The following RAI14 variants were observed in gnomAD, a reference collection of about 807,000 sequenced individuals.
RAI14 encodes retinoic acid induced 14.
In RAI14, 45 loss-of-function variants were observed where a neutral mutation model predicts 115.4. The ratio of observed to expected loss-of-function variants is 0.39; its 90% confidence interval spans 0.31 to 0.50. The LOEUF (loss-of-function observed/expected upper bound fraction) is 0.50, where lower values mean the gene tolerates loss of function less well. RAI14 is among the 20% of genes least tolerant of loss of function. The pLI is 0.85. For synonymous variants in RAI14, 371 were observed against 415.4 expected, an observed-to-expected ratio of 0.89 and a Z score of 1.30; for missense variants, 939 against 1,131.2, an observed-to-expected ratio of 0.83 and a Z score of 2.44.
intron 17 of RAI14, among the ~76,000 whole-genome samples, chr5:34,830,231 G>A (rs751099967): frequency 6.6e-6 from 1 of 152,080 alleles, no homozygotes; most frequent in African/African-American, 2.4e-5. Flanking sequence ...CAATCCACCC[G>A]CTTCGGCCTC....
At chr5:34,698,912 G>C (rs191510896) in intron 2 of RAI14, among the ~76,000 whole-genome samples, 2 of 152,246 alleles carry the variant, frequency 1.3e-5, no homozygotes, top group East Asian at 1.9e-4. Context: ...TTGAGTGTGC[G>C]TGGGGATGAA....
At position 34,762,929 on chromosome 5, in the gene RAI14, A is replaced by G. The variant is rs564686811; in HGVS notation, c.167+5331A>G. Among the ~76,000 whole-genome samples, 150 of 129,152 alleles carry G rather than the reference A, an allele frequency of 1.2e-3. 2 individuals are homozygous for G. Among genetic ancestry groups the G allele is most frequent in the East Asian group, 2.9e-3 (13 of 4,488 alleles). The allele number at this position is 129,152 out of a possible 152,430, so 84.7% of individuals were successfully genotyped here. On this transcript the variant is annotated intron_variant, in intron 3 of 17. Transcript: ENST00000265109. Reference sequence around the variant, plus strand: ...GTGTGTAGATATAAGGAGTGTGTGCATGTGTGTGTGTGTGTGTGTGTGTGT... The same window carrying G: ...GTGTGTAGATATAAGGAGTGTGTGCGTGTGTGTGTGTGTGTGTGTGTGTGT...
intron 2 of RAI14, among the ~76,000 whole-genome samples, chr5:34,728,145 C>A (rs1743705618): frequency 6.6e-6 from 1 of 152,186 alleles, no homozygotes; most frequent in Non-Finnish European, 1.5e-5. Flanking sequence ...GCCAATTTCT[C>A]CCATTTGGAA....
intron 2 of RAI14, among the ~76,000 whole-genome samples, chr5:34,747,474 AT>A (rs149415492): frequency 0.015 from 2,222 of 152,328 alleles, 52 homozygotes; most frequent in African/African-American, 0.049. Flanking sequence ...AAGGAACAAT[AT>A]TCCTGTCAAT....
At chr5:34,765,221 G>A (rs2150115725) in intron 3 of RAI14, among the ~76,000 whole-genome samples, 1 of 152,342 alleles carries the variant, frequency 6.6e-6, no homozygotes, top group Admixed American at 6.5e-5. Flanking sequence ...TACCAGTAGA[G>A]TGGGGCATTG....
chr5:34,809,062 T>G (rs2075192884), intron 7 of RAI14, among the ~76,000 whole-genome samples: 1 of 152,200 alleles, frequency 6.6e-6, no homozygotes, highest in South Asian at 2.1e-4. Context: ...TTTAGACAAC[T>G]AAGTATTGGG....
At chr5:34,742,947 C>A (rs1247622196) in intron 2 of RAI14, among the ~76,000 whole-genome samples, 1 of 152,228 alleles carries the variant, frequency 6.6e-6, no homozygotes, top group Non-Finnish European at 1.5e-5. Context: ...CAGGCATGAG[C>A]CACTGTGCCC....
At chr5:34,781,321 T>A (rs536879497) in intron 3 of RAI14, among the ~76,000 whole-genome samples, 1 of 152,192 alleles carries the variant, frequency 6.6e-6, no homozygotes, top group South Asian at 2.1e-4. Flanking sequence ...TGTATACATA[T>A]GTAACAAACC....
chr5:34,687,010 G>A, intron 2 of RAI14, 55 bp downstream of exon 2: 1 of 1,590,494 alleles, frequency 6.3e-7, no homozygotes. Context: ...TGGAGCTGCA[G>A]AAACGCTCCT....
intron 12 of RAI14, among the ~76,000 whole-genome samples, chr5:34,816,117 C>T (rs185753063): frequency 7.9e-5 from 12 of 152,128 alleles, no homozygotes; most frequent in East Asian, 5.8e-4. Flanking sequence ...GAAAAACTGG[C>T]GCAATTTGAA....
intron 2 of RAI14, among the ~76,000 whole-genome samples, chr5:34,727,760 C>G (rs11749452): frequency 6.6e-6 from 1 of 151,942 alleles, no homozygotes; most frequent in African/African-American, 2.4e-5. Flanking sequence ...TGGGAACCTC[C>G]GCCTAGATAT....
chr5:34,696,630 C>G (rs1471972940), intron 2 of RAI14, among the ~76,000 whole-genome samples: 2 of 152,206 alleles, frequency 1.3e-5, no homozygotes, highest in Non-Finnish European at 2.9e-5. Context: ...CAGCCACAGG[C>G]AGTTTCCACA....
At chr5:34,745,863 G>C (rs938668877) in intron 2 of RAI14, among the ~76,000 whole-genome samples, 2 of 151,978 alleles carry the variant, frequency 1.3e-5, no homozygotes, top group Non-Finnish European at 2.9e-5. Context: ...CACTGACCGG[G>C]CTTACTCTGT....
intron 12 of RAI14, among the ~76,000 whole-genome samples, chr5:34,817,975 T>G (rs1350280536): frequency 6.6e-6 from 1 of 152,164 alleles, no homozygotes; most frequent in East Asian, 1.9e-4. Context: ...CGTTATATAG[T>G]GGAAAATATA....
chr5:34,712,460 T>TGAAG (rs1252913089), intron 2 of RAI14, among the ~76,000 whole-genome samples: 3 of 152,114 alleles, frequency 2.0e-5, no homozygotes, highest in Non-Finnish European at 4.4e-5. Context: ...GACACGTGCA[T>TGAAG]GAAGGAAGGA....
In RAI14 at chr5:34,678,598, G is replaced by A. The variant is rs115982752; in HGVS notation, c.-48-8274G>A. Among the ~76,000 whole-genome samples the A allele has an allele frequency of 3.5e-3, 536 of 152,316 alleles. 4 individuals carry two copies. The highest frequency in any genetic ancestry group is 0.012 in the African/African-American group (503 of 41,562). ...GCGAAGGCGTCCATCTACAGGCCAC[G>A]AAGAAAGGCCTCAGAAGGAAACCAA... On this transcript the variant is annotated intron_variant, in intron 1 of 17. Coordinates refer to ENST00000265109, the MANE Select transcript of RAI14 (RefSeq NM_015577.3).
chr5:34,707,580 T>A (rs1740859505), intron 2 of RAI14, among the ~76,000 whole-genome samples: 2 of 152,216 alleles, frequency 1.3e-5, no homozygotes, highest in African/African-American at 4.8e-5. Context: ...GATAATTGCT[T>A]CTGTAAGAGA....
In RAI14 at chr5:34,731,868, G is replaced by A. The variant is rs373188610; in HGVS notation, c.37-25600G>A. On this transcript the variant is annotated intron_variant, in intron 2 of 17. Coordinates refer to ENST00000265109, the MANE Select transcript of RAI14 (RefSeq NM_015577.3). ...GGCAGTTGAGAATTAACCCAAAAAC[G>A]AATGACCTGACCTTCCAGGAGTCCT... is the stretch of plus-strand genomic sequence containing the variant. Among the ~76,000 whole-genome samples, 245 of 152,300 alleles carry A rather than the reference G, an allele frequency of 1.6e-3. 1 individual carries two copies. Among genetic ancestry groups the A allele is most frequent in the African/African-American group, 5.5e-3 (228 of 41,572 alleles).
At position 34,823,601 on chromosome 5, in the gene RAI14, A is replaced by T; in HGVS notation, c.1759A>T (p.Ile587Phe). 2 of 1,614,242 alleles carry T rather than the reference A, an allele frequency of 1.2e-6. No homozygotes were observed. The highest frequency in any genetic ancestry group is 1.3e-5 in the African/African-American group (1 of 75,070). Residue 587 changes from isoleucine (I) to phenylalanine (F), a missense_variant, in exon 15 of 18, where the codon ATT becomes TTT. By Grantham distance (21) the Ile-to-Phe change is conservative. Transcript: ENST00000265109. The surrounding 1 kb of genome is among the most constrained non-coding windows in gnomAD (Gnocchi z 4.5). ...AATGAAAAGTTCATATTGCTCTGTT[A>T]TTGAGAATATGAATAAGGAGAAAGC... ...EEMKSSYCSV[I>F]ENMNKEKAFL...
Sources: allele counts gnomAD v4.1 joint callset (sites outside exome capture counted in the v4.1 genomes callset), GRCh38; gene constraint gnomAD v4.1.1; non-coding constraint Gnocchi (gnomAD v3.1); transcripts MANE v1.5; gene names NCBI Gene and HGNC (gene_info 2026-07-23, HGNC 2026-07-21).